Variants in MYORG observed in about 807,000 individuals in gnomAD.
MYORG encodes alpha-galactosidase MYORG.
MYORG carries 45 observed loss-of-function variants against 49.8 expected under a neutral mutation model. That is an observed-to-expected ratio of 0.90 (90% CI 0.71 to 1.16). MYORG has a LOEUF of 1.16. Ranked by LOEUF, MYORG falls within the 50% of genes most tolerant of loss-of-function variation. The pLI is 0.00. For synonymous variants in MYORG, 552 were observed against 462.9 expected (o/e 1.19, Z -2.47); for missense variants, 1,110 against 1,026.5 (o/e 1.08, Z -1.11).
Position 34,372,431 on chromosome 9 carries a change from G to A in MYORG, c.513C>T (p.Ala171=), listed in dbSNP as rs759524159. 8 of 1,578,830 alleles carry A rather than the reference G, an allele frequency of 5.1e-6. No homozygotes were observed. The highest frequency in any genetic ancestry group is 1.3e-5 in the African/African-American group (1 of 74,112). ...VRWEEAAPGR[A]VEHAMFLGDA... is the part of the protein sequence containing the mutation. ...CGCCCAAGAACATGGCGTGCTCCAC[G>A]GCCCGGCCCGGCGCTGCCTCCTCCC... is the stretch of plus-strand genomic sequence containing the variant. Residue 171 remains alanine (A), a synonymous_variant, in exon 2 of 2, where the codon GCC becomes GCT. Transcript: ENST00000297625.
rs1332049718 is a variant in MYORG at position 34,372,126 on chromosome 9, C to T, written c.818G>A (p.Arg273His). The change falls in exon 2 of 2, where the codon CGC becomes CAC. Residue 273 changes from arginine to histidine, a missense_variant. Coordinates refer to ENST00000297625, the MANE Select transcript of MYORG (RefSeq NM_020702.5). ...GTAGCTCAGCTCTGGCGCTGCGGCG[C>T]GGCCGGCGGGTGGCTTGTAGGGCGT... is the stretch of plus-strand genomic sequence containing the variant. The part of the protein sequence containing the change: ...HDTPYKPPAG[R>H]AAAPELSYRV... 8.7e-6 allele frequency: 14 copies of T among 1,612,278 alleles called. No homozygotes were observed. The highest frequency in any genetic ancestry group is 1.2e-5 in the Non-Finnish European group (14 of 1,179,772).
In MYORG at chr9:34,372,016, G is replaced by A. The variant is rs202003652; in HGVS notation, c.928C>T (p.Pro310Ser). ...YFNKPSRVPAPEAFRDPIWST... is the reference protein window; with the variant it reads ...YFNKPSRVPASEAFRDPIWST... The stretch of plus-strand genomic sequence containing the variant: ...CAAATGGGGTCTCGGAAGGCCTCGG[G>A]TGCTGGCACCCTTGACGGCTTGTTG... The change falls in exon 2 of 2, where the codon CCC (proline) becomes TCC (serine). Residue 310 changes from proline (P) to serine (S), a missense_variant. Coordinates refer to ENST00000297625, the MANE Select transcript of MYORG (RefSeq NM_020702.5). The A allele has an allele frequency of 3.0e-4, 481 of 1,614,024 alleles. 3 individuals carry two copies. In the African/African-American group the frequency reaches 5.7e-3, roughly 19 times the overall value.
Position 34,376,390 on chromosome 9 carries a change from C to T in MYORG, c.-64+403G>A, listed in dbSNP as rs114943302. ...TCAACCTCAGCCTTGGCTGCCACAG[C>T]TAGTCTGGTCTGAGGGGGAGGGCCC... On this transcript the variant is annotated intron_variant, in intron 1 of 1. Transcript: ENST00000297625. The surrounding 1 kb of genome is among the most constrained non-coding windows in gnomAD (Gnocchi z 4.4). Among the ~76,000 whole-genome samples the T allele has an allele frequency of 3.7e-3, 561 of 152,344 alleles. 3 individuals carry two copies. The highest frequency in any genetic ancestry group is 0.013 in the African/African-American group (546 of 41,574).
Position 34,371,491 on chromosome 9 carries a change from C to A in MYORG, c.1453G>T (p.Val485Phe), listed in dbSNP as rs1421191400. ...STYRPLPDPS[V>F]WSRRYTEMAL... Reference sequence around the variant, plus strand: ...ATCTCAGTGTAGCGCCGGCTCCAGACGCTGGGGTCCGGCAGCGGCCGGTAG... The same window carrying A: ...ATCTCAGTGTAGCGCCGGCTCCAGAAGCTGGGGTCCGGCAGCGGCCGGTAG... Residue 485 changes from valine (V) to phenylalanine (F), a missense_variant, in exon 2 of 2, where the codon GTC becomes TTC. Val to Phe is a conservative substitution (Grantham distance 50). Transcript: ENST00000297625. 6.2e-6 allele frequency: 10 copies of A among 1,611,482 alleles called. No individual in the cohort carries two copies. The highest frequency in any genetic ancestry group is 7.6e-6 in the Non-Finnish European group (9 of 1,179,710).
rs1422440223 is a variant in MYORG, at chr9:34,372,407, G to A, written c.537C>T (p.Gly179=). 1 of 1,583,648 alleles carries A rather than the reference G, an allele frequency of 6.3e-7. No homozygotes were observed. Among genetic ancestry groups the A allele is most frequent in the African/African-American group, 1.3e-5 (1 of 74,314 alleles). The change falls in exon 2 of 2, where the codon GGC becomes GGT. Residue 179 remains glycine (G), a synonymous_variant. Coordinates refer to ENST00000297625, the MANE Select transcript of MYORG (RefSeq NM_020702.5). ...CACCATACCAGTGGGCCGCCGCGTC[G>A]CCCAAGAACATGGCGTGCTCCACGG... is the stretch of plus-strand genomic sequence containing the variant. ...GRAVEHAMFL[G]DAAAHWYGGA...
intron 1 of MYORG, among the ~76,000 whole-genome samples, chr9:34,373,443 C>T (rs974219538): frequency 2.0e-5 from 3 of 152,054 alleles, no homozygotes; most frequent in African/African-American, 7.2e-5. Context: ...GGGTATTGTC[C>T]AGCCAGCTCC....
rs1244489514 is a variant in MYORG at position 34,371,336 on chromosome 9, G to A, written c.1608C>T (p.Pro536=). The part of the protein sequence containing the change: ...GYDLGLRSLI[P]AVLTVSMLGY... ...CCAGCATGCTGACGGTGAGCACCGC[G>A]GGGATGAGTGAGCGCAACCCCAGGT... is the stretch of plus-strand genomic sequence containing the variant. Residue 536 remains proline (P), a synonymous_variant, in exon 2 of 2, where the codon CCC becomes CCT. Coordinates refer to ENST00000297625, the MANE Select transcript of MYORG (RefSeq NM_020702.5). 3 of 1,612,654 alleles carry A rather than the reference G, an allele frequency of 1.9e-6. No individual in the cohort carries two copies. Among genetic ancestry groups the A allele is most frequent in the Non-Finnish European group, 2.5e-6 (3 of 1,179,618 alleles).
At position 34,371,850 on chromosome 9, in the gene MYORG, A is replaced by G. The variant is rs1408070719; in HGVS notation, c.1094T>C (p.Phe365Ser). 4.3e-6 allele frequency: 7 copies of G among 1,613,896 alleles called. No individual in the cohort carries two copies. The highest frequency in any genetic ancestry group is 5.1e-6 in the Non-Finnish European group (6 of 1,179,866). ...MYTPAYGDFD[F>S]DEVKFPNASD... is the part of the protein sequence containing the mutation. ...GGCGTTGGGGAATTTGACCTCATCG[A>G]AGTCGAAGTCGCCATAAGCAGGTGT... The change falls in exon 2 of 2, where the codon TTC (phenylalanine) becomes TCC (serine). Residue 365 changes from phenylalanine (F) to serine (S), a missense_variant. Physicochemically the swap from Phe to Ser is radical, Grantham distance 155. Transcript: ENST00000297625.
chr9:34,372,842 A>AGCTGCG lies in MYORG; in HGVS notation c.96_101dup (p.Ala33_Ala34dup), dbSNP rs1202565466. 6.2e-7 allele frequency: 1 copy of AGCTGCG among 1,613,920 alleles called. No homozygotes were observed. The highest frequency in any genetic ancestry group is 2.2e-5 in the East Asian group (1 of 44,898). The stretch of plus-strand genomic sequence containing the variant: ...AGTTGTCGGGCAGGAAGGTGTACAT[A>AGCTGCG]GCTGCGGCTGCGATGGCCTCGGGGT... On this transcript the variant is annotated inframe_insertion, in exon 2 of 2. Coordinates refer to ENST00000297625, the MANE Select transcript of MYORG (RefSeq NM_020702.5).
Position 34,371,214 on chromosome 9 carries a change from C to A in MYORG, c.1730G>T (p.Trp577Leu). The part of the protein sequence containing the change: ...DVPERELYIR[W>L]LEVAAFMPAM... Reference sequence around the variant, plus strand: ...CGGCATAAAGGCGGCCACTTCCAGCCAGCGAATGTAGAGCTCGCGCTCGGG... The same window carrying A: ...CGGCATAAAGGCGGCCACTTCCAGCAAGCGAATGTAGAGCTCGCGCTCGGG... Residue 577 changes from tryptophan to leucine, a missense_variant, in exon 2 of 2, where the codon TGG becomes TTG. Trp to Leu is a moderately conservative substitution (Grantham distance 61). Transcript: ENST00000297625. The A allele has an allele frequency of 6.2e-7, 1 of 1,610,610 alleles. No homozygotes were observed. Among genetic ancestry groups the A allele is most frequent in the Non-Finnish European group, 8.5e-7 (1 of 1,178,396 alleles).
rs968751674 is a variant in MYORG, at chr9:34,370,638, C to A, written c.*161G>T. 6 of 1,331,856 alleles carry A rather than the reference C, an allele frequency of 4.5e-6. No homozygotes were observed. Among genetic ancestry groups the A allele is most frequent in the African/African-American group, 1.5e-5 (1 of 67,496 alleles). 82.5% of individuals were successfully genotyped at this position (1,331,856 alleles called of 1,614,324 possible). A position where few individuals can be genotyped will look rare whatever the true frequency, so the allele number is the denominator to read the frequency against. Reference sequence around the variant, plus strand: ...ATTGCTTCAGTGCCCCCTCCCTAGGCCCCACCTTCAGCAGCTGGTTCCAGC... The same window carrying A: ...ATTGCTTCAGTGCCCCCTCCCTAGGACCCACCTTCAGCAGCTGGTTCCAGC... On this transcript the variant is annotated 3_prime_UTR_variant, in exon 2 of 2. Transcript: ENST00000297625.
In MYORG at chr9:34,371,768, G is replaced by C; in HGVS notation, c.1176C>G (p.His392Gln). 4 of 1,613,826 alleles carry C rather than the reference G, an allele frequency of 2.5e-6. No homozygotes were observed. Among genetic ancestry groups the C allele is most frequent in the Non-Finnish European group, 3.4e-6 (4 of 1,179,772 alleles). Reference protein sequence around the residue: ...DAGFRVTLWVHPFVNYNSSRF... With the variant: ...DAGFRVTLWVQPFVNYNSSRF... The stretch of plus-strand genomic sequence containing the variant: ...GCGACGAGTTGTAGTTGACAAAAGG[G>C]TGCACCCAGAGCGTGACGCGGAAGC... The change falls in exon 2 of 2, where the codon CAC (histidine) becomes CAG (glutamine). Residue 392 changes from histidine (H) to glutamine (Q), a missense_variant. By Grantham distance (24) the His-to-Gln change is conservative. Coordinates refer to ENST00000297625, the MANE Select transcript of MYORG (RefSeq NM_020702.5).
Position 34,371,169 on chromosome 9 carries a change from G to A in MYORG, c.1775C>T (p.Pro592Leu). ...AFMPAMQFSI[P>L]PWRYDAEVVA... ...CACTTCCGCGTCGTAGCGCCAGGGC[G>A]GGATAGAGAACTGCATGGCCGGCAT... is the stretch of plus-strand genomic sequence containing the variant. Residue 592 changes from proline (P) to leucine (L), a missense_variant, in exon 2 of 2, where the codon CCG becomes CTG. Coordinates refer to ENST00000297625, the MANE Select transcript of MYORG (RefSeq NM_020702.5). 1 of 1,610,124 alleles carries A rather than the reference G, an allele frequency of 6.2e-7. No individual in the cohort carries two copies. The highest frequency in any genetic ancestry group is 8.5e-7 in the Non-Finnish European group (1 of 1,177,850).
chr9:34,372,203 C>A lies in MYORG; in HGVS notation c.741G>T (p.Leu247=), dbSNP rs771736871. The A allele has an allele frequency of 1.2e-6, 2 of 1,611,918 alleles. No homozygotes were observed. The highest frequency in any genetic ancestry group is 8.5e-7 in the Non-Finnish European group (1 of 1,179,398). ...GCGAGCGCTCCGTGCTGTTCCAGCC[C>A]AGGTGGAAGGGCACTGAGTCATTGA... ...IKVNDSVPFH[L]GWNSTERSLR... Residue 247 remains leucine, a synonymous_variant, in exon 2 of 2, where the codon CTG becomes CTT. Transcript: ENST00000297625.
At chr9:34,375,934 C>T (rs1444417182) in intron 1 of MYORG, among the ~76,000 whole-genome samples, 4 of 152,172 alleles carry the variant, frequency 2.6e-5, no homozygotes, top group Non-Finnish European at 5.9e-5. Context: ...GGTGAGGAAA[C>T]GTGGCCCAAA....
In MYORG at chr9:34,370,150, A is replaced by G. The variant is rs1378296197; in HGVS notation, c.*649T>C. 1 of 152,698 alleles carries G rather than the reference A, an allele frequency of 6.5e-6. No homozygotes were observed. The highest frequency in any genetic ancestry group is 2.4e-5 in the African/African-American group (1 of 41,444). The allele number at this position is 152,698 out of a possible 1,614,324, so 9.5% of individuals were successfully genotyped here. ...TGTATGTACACAAATGGGTTAGTGC[A>G]GTGTTAGGAGTCTCTTCACAAATTG... On this transcript the variant is annotated 3_prime_UTR_variant, in exon 2 of 2. Coordinates refer to ENST00000297625, the MANE Select transcript of MYORG (RefSeq NM_020702.5).
chr9:34,371,846 A>ATCGAAG lies in MYORG; in HGVS notation c.1092_1097dup (p.Phe365_Asp366dup), dbSNP rs1398218251. 6.2e-7 allele frequency: 1 copy of ATCGAAG among 1,613,938 alleles called. No individual in the cohort carries two copies. The highest frequency in any genetic ancestry group is 8.5e-7 in the Non-Finnish European group (1 of 1,179,896). On this transcript the variant is annotated inframe_insertion, in exon 2 of 2. Transcript: ENST00000297625. Reference sequence around the variant, plus strand: ...CGCTGGCGTTGGGGAATTTGACCTCATCGAAGTCGAAGTCGCCATAAGCAG... The same window carrying ATCGAAG: ...CGCTGGCGTTGGGGAATTTGACCTCATCGAAGTCGAAGTCGAAGTCGCCATAAGCAG...
At position 34,372,355 on chromosome 9, in the gene MYORG, G is replaced by T; in HGVS notation, c.589C>A (p.Pro197Thr). The T allele has an allele frequency of 6.3e-7, 1 of 1,596,888 alleles. No individual in the cohort carries two copies. The change falls in exon 2 of 2, where the codon CCC becomes ACC. Residue 197 changes from proline (P) to threonine (T), a missense_variant. Transcript: ENST00000297625. ...TCCTGCTGGCCATCCAGGCGGATGG[G>T]CCAGTGTTGCGTCCTCATCTCGGCG... ...GGAEMRTQHW[P>T]IRLDGQQEPQ...
Position 34,371,272 on chromosome 9 carries a change from C to T in MYORG, c.1672G>A (p.Ala558Thr). Residue 558 changes from alanine to threonine, a missense_variant, in exon 2 of 2, where the codon GCC becomes ACC. Physicochemically the swap from Ala to Thr is moderately conservative, Grantham distance 58 (BLOSUM62 0). Transcript: ENST00000297625. Reference sequence around the variant, plus strand: ...CCGCCGGCTGTCCGCTGGGGCACGGCGTTGCCGCCCACCATATCGGGTAGG... The same window carrying T: ...CCGCCGGCTGTCCGCTGGGGCACGGTGTTGCCGCCCACCATATCGGGTAGG... Reference protein sequence around the residue: ...FILPDMVGGNAVPQRTAGGDV... With the variant: ...FILPDMVGGNTVPQRTAGGDV... 1 of 1,609,014 alleles carries T rather than the reference C, an allele frequency of 6.2e-7. No homozygotes were observed. The highest frequency in any genetic ancestry group is 2.2e-5 in the East Asian group (1 of 44,606).
Sources: gnomAD v4.1 joint callset for allele counts (sites outside exome capture counted in the v4.1 genomes callset) on GRCh38, gnomAD v4.1.1 for gene constraint, Gnocchi (gnomAD v3.1) non-coding constraint, MANE v1.5 for transcripts, NCBI Gene and HGNC (gene_info 2026-07-23, HGNC 2026-07-21) for gene names.